POLR1B: variants seen among roughly 807,000 people sequenced by gnomAD.
POLR1B encodes DNA-directed RNA polymerase I subunit RPA2.
Under a neutral mutation model 105.8 loss-of-function variants are expected in POLR1B, and 30 were observed. The ratio of observed to expected loss-of-function variants is 0.28; its 90% CI spans 0.21 to 0.38. The LOEUF (loss-of-function observed/expected upper bound fraction) is 0.38, where lower values mean the gene tolerates loss of function less well. POLR1B is among the 10% of genes least tolerant of loss of function. POLR1B has a pLI of 1.00. For synonymous variants in POLR1B, 485 were observed against 505.1 expected (o/e 0.96, Z 0.53); for missense variants, 976 against 1,435.8 (o/e 0.68, Z 5.17).
chr2:112,569,739 T>C (rs1684492458), intron 12 of POLR1B, among the ~76,000 whole-genome samples: 2 of 151,962 alleles, frequency 1.3e-5, no homozygotes, highest in South Asian at 4.2e-4. Flanking sequence ...TTTGTATTTT[T>C]AGTAGAGACG....
chr2:112,559,155 C>A, intron 8 of POLR1B, 138 bp from the exon 9 acceptor site: 2 of 1,084,744 alleles, frequency 1.8e-6, no homozygotes, highest in Non-Finnish European at 2.7e-6. Context: ...TTACACTCAT[C>A]AGAGCTAGGA....
At chr2:112,543,860 G>A (rs1368119818) in intron 1 of POLR1B, among the ~76,000 whole-genome samples, 1 of 152,098 alleles carries the variant, frequency 6.6e-6, no homozygotes, top group Non-Finnish European at 1.5e-5. Context: ...AAGGCAGAAG[G>A]ATGACTTGAG....
At chr2:112,574,065 G>C (rs926004025) in intron 14 of POLR1B, among the ~76,000 whole-genome samples, 1 of 151,932 alleles carries the variant, frequency 6.6e-6, no homozygotes, top group Non-Finnish European at 1.5e-5. Flanking sequence ...GGTAGGTCTC[G>C]AACTCCTGGG....
intron 7 of POLR1B, among the ~76,000 whole-genome samples, chr2:112,556,222 A>C (rs1300788220): frequency 6.6e-6 from 1 of 151,996 alleles, no homozygotes. Context: ...TCTTCTACTC[A>C]AACTTGATTC....
In POLR1B at chr2:112,542,484, C is replaced by T. The variant is rs1223931007; in HGVS notation, c.-11C>T. On this transcript the variant is annotated 5_prime_UTR_variant, in exon 1 of 15. Transcript: ENST00000263331. ...TACCGAGAGACTGGCGTCCGGTGTGCAGGTGGCCACATGGATCCTGGCAGC... is the reference window on the plus strand; with the variant it reads ...TACCGAGAGACTGGCGTCCGGTGTGTAGGTGGCCACATGGATCCTGGCAGC... The T allele has an allele frequency of 1.2e-6, 2 of 1,613,462 alleles. No homozygotes were observed. Among genetic ancestry groups the T allele is most frequent in the Non-Finnish European group, 1.7e-6 (2 of 1,179,820 alleles).
intron 10 of POLR1B, among the ~76,000 whole-genome samples, chr2:112,565,492 G>A (rs1201817630): frequency 6.6e-6 from 1 of 152,068 alleles, no homozygotes; most frequent in African/African-American, 2.4e-5. Flanking sequence ...AGGTCATGTG[G>A]GTGGGATCCA....
chr2:112,542,240 G>A, upstream of POLR1B: 8 of 1,535,400 alleles, frequency 5.2e-6, no homozygotes, highest in Non-Finnish European at 7.0e-6. Context: ...TGAGTGGGGC[G>A]GAATATGGGA....
intron 12 of POLR1B, 66 bp from the exon 13 acceptor site, chr2:112,572,496 T>C (rs541491862): frequency 8.5e-7 from 1 of 1,176,572 alleles, no homozygotes; most frequent in Admixed American, 2.6e-5. Context: ...TTTCCAGTGT[T>C]GCGTATCACA....
chr2:112,559,504 A>G lies in POLR1B; in HGVS notation c.1542A>G (p.Leu514=). The change falls in exon 9 of 15, where the codon CTA becomes CTG. Residue 514 remains leucine (L), a synonymous_variant. Transcript: ENST00000263331. ...AGCCCTGTGGCCTGATGAACCACCTAACTGCCGTATGTGAGGTTGTCACAC... is the reference window on the plus strand; with the variant it reads ...AGCCCTGTGGCCTGATGAACCACCTGACTGCCGTATGTGAGGTTGTCACAC... ...DGEPCGLMNH[L]TAVCEVVTQF... is the part of the protein sequence containing the mutation. 1.2e-6 allele frequency: 2 copies of G among 1,614,216 alleles called. No individual in the cohort carries two copies. The highest frequency in any genetic ancestry group is 1.7e-6 in the Non-Finnish European group (2 of 1,180,040).
Position 112,576,016 on chromosome 2 carries a change from G to A in POLR1B, c.*287G>A. On this transcript the variant is annotated 3_prime_UTR_variant, in exon 15 of 15. Coordinates refer to ENST00000263331, the MANE Select transcript of POLR1B (RefSeq NM_019014.6). Reference sequence around the variant, plus strand: ...TGACAAGTCTCCTTTCCAACCCCAGGTTCCCTACACCCTGCTCTCAGCAGG... The same window carrying A: ...TGACAAGTCTCCTTTCCAACCCCAGATTCCCTACACCCTGCTCTCAGCAGG... 2.6e-6 allele frequency: 1 copy of A among 388,088 alleles called. No individual in the cohort carries two copies. The highest frequency in any genetic ancestry group is 2.5e-5 in the South Asian group (1 of 39,382). 24.0% of individuals were successfully genotyped at this position (388,088 alleles called of 1,614,324 possible).
rs374876919 is a variant in POLR1B at position 112,557,944 on chromosome 2, T to G, written c.1193T>G (p.Ile398Arg). Residue 398 changes from isoleucine (I) to arginine (R), a missense_variant, in exon 8 of 15, where the codon ATA becomes AGA. Transcript: ENST00000263331. ...GAAGGTTGGTTAGTGTCTATTAAAATAGCTTTTGATAAGAAGGCTCAGAAG... is the reference window on the plus strand; with the variant it reads ...GAAGGTTGGTTAGTGTCTATTAAAAGAGCTTTTGATAAGAAGGCTCAGAAG... ...KLEGWLVSIK[I>R]AFDKKAQKTS... The G allele has an allele frequency of 2.9e-5, 40 of 1,389,088 alleles. No homozygotes were observed. Among genetic ancestry groups the G allele is most frequent in the Non-Finnish European group, 3.8e-5 (40 of 1,057,446 alleles). The allele number at this position is 1,389,088 out of a possible 1,614,324, so 86.0% of individuals were successfully genotyped here.
At chr2:112,569,347 T>C (rs1684467372) in intron 12 of POLR1B, among the ~76,000 whole-genome samples, 1 of 152,240 alleles carries the variant, frequency 6.6e-6, no homozygotes, top group South Asian at 2.1e-4. Flanking sequence ...TAGCATTTTT[T>C]TATAGTGCAG....
At chr2:112,568,557 G>A (rs1264293747) in intron 11 of POLR1B, among the ~76,000 whole-genome samples, 189 bp from the exon 12 acceptor site, 1 of 152,214 alleles carries the variant, frequency 6.6e-6, no homozygotes, top group African/African-American at 2.4e-5. Context: ...TTTAGAGTGA[G>A]ATACGTAAAG....
chr2:112,543,489 A>G (rs941447567), intron 1 of POLR1B, among the ~76,000 whole-genome samples: 26 of 152,328 alleles, frequency 1.7e-4, no homozygotes, highest in African/African-American at 6.0e-4. Flanking sequence ...AGTTTGAGAA[A>G]GGGCAGGATT....
In POLR1B at chr2:112,561,787, C is replaced by A. The variant is rs544320699; in HGVS notation, c.1612+2213C>A. 9.8e-5 allele frequency among the ~76,000 whole-genome samples: 15 copies of A among 152,290 alleles called. No homozygotes were observed. The South Asian group carries it at 3.1e-3, about 32-fold the overall frequency. ...CCTTTTTGCATTTATGAACACTAGG[C>A]AGCACTTCAGTGCTGCACTCGGAGG... On this transcript the variant is annotated intron_variant, in intron 9 of 14. Coordinates refer to ENST00000263331, the MANE Select transcript of POLR1B (RefSeq NM_019014.6).
At chr2:112,559,601 T>C in intron 9 of POLR1B, 27 bp downstream of exon 9, 1 of 1,594,920 alleles carries the variant, frequency 6.3e-7, no homozygotes, top group Non-Finnish European at 8.6e-7. Flanking sequence ...GATAAACATC[T>C]TGTTTGGTTA....
intron 1 of POLR1B, chr2:112,545,846 A>G (rs751523482): frequency 1.4e-5 from 5 of 361,138 alleles, no homozygotes; most frequent in African/African-American, 4.4e-5. Flanking sequence ...GGGTCTCCCT[A>G]TGTGGCCCAG....
chr2:112,544,005 G>C (rs1682905698), intron 1 of POLR1B, among the ~76,000 whole-genome samples: 1 of 151,574 alleles, frequency 6.6e-6, no homozygotes, highest in Non-Finnish European at 1.5e-5. Flanking sequence ...GGGAGGATAA[G>C]TTGAACCCAG....
Position 112,572,542 on chromosome 2 carries a change from G to A in POLR1B, c.2075-20G>A. The A allele has an allele frequency of 2.0e-6, 3 of 1,517,320 alleles. No individual in the cohort carries two copies. Among genetic ancestry groups the A allele is most frequent in the Non-Finnish European group, 2.7e-6 (3 of 1,125,808 alleles). The allele number at this position is 1,517,320 out of a possible 1,614,324, so 94.0% of individuals were successfully genotyped here. ...AGATGAAAGCAGCAGAAAATGCTAA[G>A]ATGTTTTTTCTCCATGTAGGTAAGC... On this transcript the variant is annotated intron_variant, in intron 12 of 14. Coordinates refer to ENST00000263331, the MANE Select transcript of POLR1B (RefSeq NM_019014.6).
Sources: gnomAD v4.1 joint callset for allele counts (sites outside exome capture counted in the v4.1 genomes callset) on GRCh38, gnomAD v4.1.1 for gene constraint, MANE v1.5 for transcripts, NCBI Gene and HGNC (gene_info 2026-07-23, HGNC 2026-07-21) for gene names.